The following SLC2A9 variants were observed in gnomAD, a reference collection of about 807,000 sequenced individuals.
SLC2A9 encodes solute carrier family 2, facilitated glucose transporter member 9.
In SLC2A9, 39 loss-of-function variants were observed where a neutral mutation model predicts 50.6. The ratio of observed to expected loss-of-function variants is 0.77; its 90% CI spans 0.60 to 1.01. SLC2A9 has a LOEUF of 1.01. SLC2A9 is among the 50% of genes least tolerant of loss of function. The probability of loss-of-function intolerance (pLI) is 0.00; values close to 1 mark genes in which losing one functional copy is unlikely to be tolerated. For missense variants in SLC2A9, 686 were observed against 677.6 expected (o/e 1.01, Z -0.14); for synonymous variants, 324 against 276.9 (o/e 1.17, Z -1.69).
chr4:9,907,527 C>A (rs868857000), intron 8 of SLC2A9, among the ~76,000 whole-genome samples: 3 of 152,232 alleles, frequency 2.0e-5, no homozygotes, highest in Admixed American at 6.5e-5. Context: ...TACTGGTCAA[C>A]TGAATGTCCT....
downstream of SLC2A9, among the ~76,000 whole-genome samples, chr4:9,825,364 T>TC (rs1724967570): frequency 6.6e-6 from 1 of 152,132 alleles, no homozygotes; most frequent in African/African-American, 2.4e-5. Flanking sequence ...TCAAGATGAG[T>TC]AATCACCCAG....
intron 10 of SLC2A9, among the ~76,000 whole-genome samples, chr4:9,862,561 T>G (rs184991428): frequency 2.6e-5 from 4 of 152,126 alleles, no homozygotes; most frequent in African/African-American, 9.7e-5. Flanking sequence ...AATATGTTTT[T>G]TATCCCCTAT....
At chr4:10,021,071 T>C (rs1054300882) in intron 1 of SLC2A9, among the ~76,000 whole-genome samples, 1 of 152,234 alleles carries the variant, frequency 6.6e-6, no homozygotes, top group African/African-American at 2.4e-5. Context: ...CCAGAGACGC[T>C]GTTGGCCCAG....
At chr4:10,033,253 C>T (rs150472796) in intron 1 of SLC2A9, among the ~76,000 whole-genome samples, 66 of 152,298 alleles carry the variant, frequency 4.3e-4, no homozygotes, top group African/African-American at 1.4e-3. Flanking sequence ...GTTAGAGCTT[C>T]GGTATGTCAC....
rs755998605 is a variant in SLC2A9 at position 9,783,071 on chromosome 4, G to A, written n.386-3006C>T. On this transcript the variant is annotated intron_variant and non_coding_transcript_variant, in intron 3 of 3. Transcript: ENST00000503803. ...CACCTTCGACGTCTTCGTCTGGTTC[G>A]GCTGGGCTAACTCCTCACTCAACCC... 18 of 1,614,058 alleles carry A rather than the reference G, an allele frequency of 1.1e-5. No homozygotes were observed. The highest frequency in any genetic ancestry group is 1.6e-4 in the Middle Eastern group (1 of 6,084).
At position 9,922,316 on chromosome 4, in the gene SLC2A9, T is replaced by TG. The variant is rs1181525853; in HGVS notation, c.815-1745dup. 5.0e-5 allele frequency among the ~76,000 whole-genome samples: 7 copies of TG among 139,170 alleles called. No homozygotes were observed. In the East Asian group the frequency reaches 1.7e-3, roughly 33 times the overall value. 91.3% of individuals were successfully genotyped at this position (139,170 alleles called of 152,430 possible). A position where few individuals can be genotyped will look rare whatever the true frequency, so the allele number is the denominator to read the frequency against. ...GGGAACAACACACACCAGAGCCCAT[T>TG]GGGGGGTGGGGTGGGGGGAGGGAGA... On this transcript the variant is annotated intron_variant, in intron 6 of 11. Transcript: ENST00000264784.
intron 3 of SLC2A9, among the ~76,000 whole-genome samples, chr4:9,987,666 T>C (rs1756961898): frequency 6.6e-6 from 1 of 152,070 alleles, no homozygotes; most frequent in Non-Finnish European, 1.5e-5. Context: ...TTATGGCAGA[T>C]GCTATTATAC....
intron 2 of SLC2A9, chr4:10,009,425 T>C (rs895308950): frequency 1.3e-5 from 2 of 152,244 alleles, no homozygotes; most frequent in Admixed American, 6.5e-5. Context: ...TCTACCCTTA[T>C]AGAGGGAAAT....
Position 9,878,997 on chromosome 4 carries a change from T to C in SLC2A9, c.1291+8570A>G, listed in dbSNP as rs1047600178. On this transcript the variant is annotated intron_variant, in intron 10 of 11. Transcript: ENST00000264784. ...CACCACACACCACACAGTAGGAACT[T>C]AATGAGTATGTTTTGAATGAATTCA... 8 of 975,480 alleles carry C rather than the reference T, an allele frequency of 8.2e-6. No individual in the cohort carries two copies. In the African/African-American group the frequency reaches 1.2e-4, roughly 15 times the overall value. 60.4% of individuals were successfully genotyped at this position (975,480 alleles called of 1,614,324 possible).
chr4:10,016,080 G>A (rs1207962766), intron 2 of SLC2A9, among the ~76,000 whole-genome samples: 3 of 152,188 alleles, frequency 2.0e-5, no homozygotes, highest in Non-Finnish European at 4.4e-5. Context: ...ATGACGAGCC[G>A]TGGTCTCGAG....
downstream of SLC2A9, among the ~76,000 whole-genome samples, chr4:9,823,949 G>A (rs562130660): frequency 3.3e-5 from 5 of 152,278 alleles, no homozygotes; most frequent in African/African-American, 1.2e-4. Flanking sequence ...GATTATGGGT[G>A]TCTTATTGTT....
At chr4:9,828,591 G>T (rs777511056) in intron 11 of SLC2A9, among the ~76,000 whole-genome samples, 1 of 152,104 alleles carries the variant, frequency 6.6e-6, no homozygotes, top group Non-Finnish European at 1.5e-5. Context: ...TTTCCCTCCA[G>T]TATTAGGCCT....
At chr4:9,890,462 C>G in intron 9 of SLC2A9, 148 bp downstream of exon 9, 1 of 785,510 alleles carries the variant, frequency 1.3e-6, no homozygotes, top group South Asian at 1.5e-5. Flanking sequence ...CCCTCAGCAG[C>G]TCCAGAGATG....
At chr4:10,021,076 GC>G (rs1763453017) in intron 1 of SLC2A9, among the ~76,000 whole-genome samples, 1 of 152,224 alleles carries the variant, frequency 6.6e-6, no homozygotes, top group Admixed American at 6.5e-5. Context: ...GACGCTGTTG[GC>G]CCAGTCAGCT....
At chr4:10,018,546 T>TGACAGATGATA (rs1763001162) in intron 2 of SLC2A9, among the ~76,000 whole-genome samples, 1 of 145,332 alleles carries the variant, frequency 6.9e-6, no homozygotes, top group African/African-American at 2.6e-5. Context: ...ATCTCAAAGA[T>TGACAGATGATA]GATAGATAGA....
intron 2 of SLC2A9, among the ~76,000 whole-genome samples, chr4:10,008,184 T>G (rs78441715): frequency 0.037 from 5,646 of 152,324 alleles, 350 homozygotes; most frequent in African/African-American, 0.13. Context: ...TTTCCCCATT[T>G]GGCTCAACAA....
At chr4:9,842,997 G>A (rs6449050) in intron 10 of SLC2A9, among the ~76,000 whole-genome samples, 5,650 of 152,134 alleles carry the variant, frequency 0.037, 314 homozygotes, top group African/African-American at 0.13. Flanking sequence ...TGGGACCCTC[G>A]GGAAACTGTG....
intron 10 of SLC2A9, chr4:9,880,387 C>G: frequency 1.0e-6 from 1 of 985,500 alleles, no homozygotes; most frequent in Non-Finnish European, 1.2e-6. Context: ...TTGGGAGGTG[C>G]AGGTGGCCTT....
At position 9,920,479 on chromosome 4, in the gene SLC2A9, G is replaced by A. The variant is rs777660428; in HGVS notation, c.908C>T (p.Ser303Phe). The change falls in exon 7 of 12, where the codon TCC (serine) becomes TTC (phenylalanine). Residue 303 changes from serine (S) to phenylalanine (F), a missense_variant. By Grantham distance (155) the Ser-to-Phe change is radical. Coordinates refer to ENST00000264784, the MANE Select transcript of SLC2A9 (RefSeq NM_020041.3). Reference sequence around the variant, plus strand: ...GGGAGCTCTCAGCAGCTCCAGCACGGACACCAGGCGGATGCTCCTCTGCAC... The same window carrying A: ...GGGAGCTCTCAGCAGCTCCAGCACGAACACCAGGCGGATGCTCCTCTGCAC... Reference protein sequence around the residue: ...SRVQRSIRLVSVLELLRAPYV... With the variant: ...SRVQRSIRLVFVLELLRAPYV... 1 of 1,614,184 alleles carries A rather than the reference G, an allele frequency of 6.2e-7. No homozygotes were observed. The highest frequency in any genetic ancestry group is 1.7e-5 in the Admixed American group (1 of 60,030).
Sources: allele counts gnomAD v4.1 joint callset (sites outside exome capture counted in the v4.1 genomes callset), GRCh38; gene constraint gnomAD v4.1.1; transcripts MANE v1.5; gene names NCBI Gene and HGNC (gene_info 2026-07-23, HGNC 2026-07-21).